SRBD1: variants seen among roughly 807,000 people sequenced by gnomAD.
The protein encoded by SRBD1 is S1 RNA-binding domain-containing protein 1.
In SRBD1, 88 loss-of-function variants were observed where a neutral mutation model predicts 115.3. The ratio of observed to expected loss-of-function variants is 0.76; its 90% CI spans 0.64 to 0.91. SRBD1 has a LOEUF of 0.91. Among genes scored for constraint, SRBD1 ranks in the 40% least tolerant of loss-of-function variants. The probability of loss-of-function intolerance (pLI) is 0.00; values close to 1 mark genes in which losing one functional copy is unlikely to be tolerated. For synonymous variants in SRBD1, 509 were observed against 407.7 expected (o/e 1.25, Z -2.99); for missense variants, 1,385 against 1,177.4 (o/e 1.18, Z -2.58).
intron 1 of SRBD1, among the ~76,000 whole-genome samples, chr2:45,610,931 A>G (rs1674429265): frequency 6.6e-6 from 1 of 151,670 alleles, no homozygotes; most frequent in African/African-American, 2.4e-5. Context: ...CCGTCTCAAA[A>G]AAAAAAAAAA....
At chr2:45,596,021 G>C (rs1673884196) in intron 4 of SRBD1, among the ~76,000 whole-genome samples, 1 of 151,970 alleles carries the variant, frequency 6.6e-6, no homozygotes, top group Non-Finnish European at 1.5e-5. Flanking sequence ...AAATTGCTTG[G>C]AATTAAAAGG....
At chr2:45,604,240 C>T (rs904421961) in intron 2 of SRBD1, among the ~76,000 whole-genome samples, 2 of 151,620 alleles carry the variant, frequency 1.3e-5, no homozygotes, top group African/African-American at 2.4e-5. Flanking sequence ...ACATCCCAAC[C>T]CAAAACCTTC....
chr2:45,599,868 A>G (rs1297900306), intron 3 of SRBD1, 33 bp from the exon 4 acceptor site: 4 of 1,563,826 alleles, frequency 2.6e-6, no homozygotes, highest in Non-Finnish European at 8.6e-7. Flanking sequence ...TATGAGAATT[A>G]GAAGATAAAA....
intron 14 of SRBD1, among the ~76,000 whole-genome samples, chr2:45,532,196 C>T (rs990665570): frequency 2.0e-5 from 3 of 151,760 alleles, no homozygotes; most frequent in African/African-American, 7.2e-5. Context: ...TCACAACCAC[C>T]CTCCCCAAGA....
intron 19 of SRBD1, among the ~76,000 whole-genome samples, chr2:45,398,878 C>T (rs1034836351): frequency 6.6e-5 from 10 of 152,120 alleles, no homozygotes; most frequent in African/African-American, 2.4e-4. Context: ...ATTTAAACAA[C>T]TGTACGTATA....
chr2:45,458,069 T>G (rs903955826), intron 16 of SRBD1, among the ~76,000 whole-genome samples: 3 of 151,920 alleles, frequency 2.0e-5, no homozygotes, highest in African/African-American at 7.2e-5. Flanking sequence ...AAAGAGAAAA[T>G]AATATATTCT....
At chr2:45,492,011 G>A (rs770043114) in intron 14 of SRBD1, among the ~76,000 whole-genome samples, 6 of 152,016 alleles carry the variant, frequency 3.9e-5, no homozygotes, top group Non-Finnish European at 7.4e-5. Flanking sequence ...TAATAGAGAC[G>A]GGGTTTTGCC....
chr2:45,573,550 T>C (rs1451923998), intron 8 of SRBD1, among the ~76,000 whole-genome samples: 1 of 152,166 alleles, frequency 6.6e-6, no homozygotes, highest in Non-Finnish European at 1.5e-5. Context: ...TCTATTTATA[T>C]ATCTACTCAA....
chr2:45,572,367 C>T (rs1673046501), intron 9 of SRBD1, among the ~76,000 whole-genome samples: 1 of 152,064 alleles, frequency 6.6e-6, no homozygotes, highest in South Asian at 2.1e-4. Context: ...AGATTGGTGG[C>T]ACAACAATAT....
At chr2:45,421,562 C>T (rs1167770857) in intron 16 of SRBD1, among the ~76,000 whole-genome samples, 1 of 123,698 alleles carries the variant, frequency 8.1e-6, no homozygotes, top group Non-Finnish European at 1.6e-5. Context: ...AAATGAGCAT[C>T]TTACAATTGA....
At chr2:45,401,543 T>C (rs939478997) in intron 19 of SRBD1, among the ~76,000 whole-genome samples, 1 of 152,220 alleles carries the variant, frequency 6.6e-6, no homozygotes, top group Non-Finnish European at 1.5e-5. Context: ...CTTTTTCAAA[T>C]TTGCAAATAA....
intron 16 of SRBD1, among the ~76,000 whole-genome samples, chr2:45,444,065 C>T (rs1027148836): frequency 6.6e-6 from 1 of 152,022 alleles, no homozygotes; most frequent in African/African-American, 2.4e-5. Flanking sequence ...TCTTCAACAG[C>T]TCTACATAAG....
chr2:45,489,655 C>CA lies in SRBD1; in HGVS notation c.1875-1325dup, dbSNP rs1324548309. On this transcript the variant is annotated intron_variant, in intron 14 of 20. Transcript: ENST00000263736. ...AGCTGAGTGCATATTATACACAAAG[C>CA]AAAAAAACACTTTACAGACATTATC... Among the ~76,000 whole-genome samples, 4 of 151,928 alleles carry CA rather than the reference C, an allele frequency of 2.6e-5. No individual in the cohort carries two copies. The East Asian group carries it at 5.8e-4, about 22-fold the overall frequency.
At chr2:45,546,128 G>A (rs1056612220) in intron 14 of SRBD1, 1 of 977,350 alleles carries the variant, frequency 1.0e-6, no homozygotes, top group Non-Finnish European at 1.2e-6. Context: ...GATCCAAAGA[G>A]GAAGTAGGGA....
chr2:45,392,922 A>G (rs748439947), intron 20 of SRBD1, 23 bp downstream of exon 20: 143 of 1,581,126 alleles, frequency 9.0e-5, no homozygotes, highest in Non-Finnish European at 1.2e-4. Context: ...GCAAGGTGCT[A>G]TAATTCAAGT....
chr2:45,402,018 A>G (rs1373785175), intron 19 of SRBD1, among the ~76,000 whole-genome samples: 1 of 152,166 alleles, frequency 6.6e-6, no homozygotes, highest in Non-Finnish European at 1.5e-5. Flanking sequence ...GGAAAGAGAC[A>G]GAGACTGAGA....
At chr2:45,491,082 T>C (rs948965961) in intron 14 of SRBD1, among the ~76,000 whole-genome samples, 2 of 152,126 alleles carry the variant, frequency 1.3e-5, no homozygotes, top group African/African-American at 4.8e-5. Flanking sequence ...CTGGGAGTGA[T>C]GATTTTTTTC....
intron 16 of SRBD1, among the ~76,000 whole-genome samples, chr2:45,449,193 A>G (rs1668916380): frequency 6.6e-6 from 1 of 152,202 alleles, no homozygotes; most frequent in South Asian, 2.1e-4. Flanking sequence ...ATAACAATTT[A>G]CTTGCTTAAG....
At chr2:45,602,373 A>G (rs757282125) in intron 2 of SRBD1, among the ~76,000 whole-genome samples, 2 of 152,220 alleles carry the variant, frequency 1.3e-5, no homozygotes, top group Non-Finnish European at 2.9e-5. Context: ...ATAGAAAATC[A>G]TTTATTACCT....
Sources: gnomAD v4.1 joint callset for allele counts (sites outside exome capture counted in the v4.1 genomes callset) on GRCh38, gnomAD v4.1.1 for gene constraint, MANE v1.5 for transcripts, NCBI Gene and HGNC (gene_info 2026-07-23, HGNC 2026-07-21) for gene names.